LCA5: variants seen among roughly 807,000 people sequenced by gnomAD.
LCA5 encodes the protein lebercilin.
A neutral mutation model predicts 53.0 loss-of-function variants in LCA5; 37 were observed. The observed-to-expected ratio is 0.70, with a 90% CI of 0.54 to 0.92. The LOEUF is 0.92. Among genes scored for constraint, LCA5 ranks in the 40% least tolerant of loss-of-function variants. The pLI is 0.00. For synonymous variants in LCA5, 303 were observed against 282.9 expected (o/e 1.07, Z -0.71); for missense variants, 806 against 790.5 (o/e 1.02, Z -0.23).
chr6:79,526,781 G>A (rs866882559), intron 1 of LCA5, among the ~76,000 whole-genome samples: 3 of 151,992 alleles, frequency 2.0e-5, no homozygotes, highest in South Asian at 2.1e-4. Flanking sequence ...TAAAATGCCC[G>A]GAACCAAATG....
Position 79,494,797 on chromosome 6 carries a change from A to G in LCA5, c.721-1047T>C, listed in dbSNP as rs576006957. Among the ~76,000 whole-genome samples the G allele has an allele frequency of 3.9e-5, 6 of 152,302 alleles. No individual in the cohort carries two copies. In the South Asian group the frequency reaches 1.2e-3, roughly 32 times the overall value. ...ATTAGGGTGCTCCAATTTTTCCTAG[A>G]GTAAACATCCTAATACATATAACTT... On this transcript the variant is annotated intron_variant, in intron 3 of 7. Coordinates refer to ENST00000369846, the MANE Select transcript of LCA5 (RefSeq NM_001122769.3).
intron 3 of LCA5, among the ~76,000 whole-genome samples, chr6:79,499,743 G>C (rs1019614514): frequency 6.7e-6 from 1 of 149,490 alleles, no homozygotes; most frequent in Non-Finnish European, 1.5e-5. Flanking sequence ...TGTGCACAAT[G>C]TGCAGGTTAG....
intron 7 of LCA5, 153 bp downstream of exon 7, chr6:79,488,931 G>A (rs1398930874): frequency 1.3e-6 from 1 of 791,074 alleles, no homozygotes. Context: ...AATGTGTATG[G>A]CTCCTGATAA....
chr6:79,519,876 T>C (rs977740135), intron 1 of LCA5, among the ~76,000 whole-genome samples: 6 of 152,058 alleles, frequency 3.9e-5, no homozygotes, highest in African/African-American at 1.4e-4. Context: ...AATACATAAA[T>C]ATATCATCCT....
intron 7 of LCA5, 97 bp from the exon 8 acceptor site, chr6:79,487,963 G>C: frequency 2.1e-6 from 2 of 939,612 alleles, no homozygotes; most frequent in South Asian, 1.6e-5. Flanking sequence ...TATTTAATTT[G>C]GGTATTATAA....
Position 79,489,857 on chromosome 6 carries a change from A to G in LCA5, c.1099-641T>C, listed in dbSNP as rs118096850. Among the ~76,000 whole-genome samples the G allele has an allele frequency of 8.6e-3, 1,313 of 152,220 alleles. 17 individuals carry two copies. Among genetic ancestry groups the G allele is most frequent in the Middle Eastern group, 0.037 (11 of 294 alleles). On this transcript the variant is annotated intron_variant, in intron 6 of 7. Coordinates refer to ENST00000369846, the MANE Select transcript of LCA5 (RefSeq NM_001122769.3). ...GTTTTAGCAGGACAGAGAGCTGCTTAGCTGGAGACTACATTTGCTACCCTC... is the reference window on the plus strand; with the variant it reads ...GTTTTAGCAGGACAGAGAGCTGCTTGGCTGGAGACTACATTTGCTACCCTC...
intron 7 of LCA5, 39 bp downstream of exon 7, chr6:79,489,045 G>A (rs1769758810): frequency 6.2e-7 from 1 of 1,608,742 alleles, no homozygotes; most frequent in Non-Finnish European, 8.5e-7. Flanking sequence ...CTCAAGGGAT[G>A]CTGACTTGTC....
chr6:79,500,952 T>G (rs1387252398), intron 3 of LCA5, among the ~76,000 whole-genome samples: 1 of 152,148 alleles, frequency 6.6e-6, no homozygotes, highest in African/African-American at 2.4e-5. Flanking sequence ...TGGTACTTGC[T>G]ATTAGATGTG....
chr6:79,506,976 T>C (rs913500887), intron 3 of LCA5, among the ~76,000 whole-genome samples: 8 of 152,212 alleles, frequency 5.3e-5, no homozygotes, highest in Non-Finnish European at 1.2e-4. Flanking sequence ...TATGGTTTCA[T>C]CTTCCTCCAT....
At position 79,489,013 on chromosome 6, in the gene LCA5, A is replaced by G. The variant is rs752945292; in HGVS notation, c.1231+71T>C. 7 of 1,545,466 alleles carry G rather than the reference A, an allele frequency of 4.5e-6. No individual in the cohort carries two copies. In the South Asian group the frequency reaches 7.8e-5, roughly 17 times the overall value. On this transcript the variant is annotated intron_variant, in intron 7 of 7. Transcript: ENST00000369846. ...ATTCACAGTTAAGCTGGAAGATATT[A>G]GAAGACGCTCACTCTTTCTTTCTCA...
intron 2 of LCA5, 138 bp from the exon 3 acceptor site, chr6:79,513,879 G>T: frequency 1.2e-6 from 1 of 803,102 alleles, no homozygotes; most frequent in Non-Finnish European, 2.0e-6. Context: ...ATTTAGTAAA[G>T]TATCAAGTTT....
At chr6:79,489,342 T>C in intron 6 of LCA5, 126 bp from the exon 7 acceptor site, 1 of 950,786 alleles carries the variant, frequency 1.1e-6, no homozygotes. Flanking sequence ...TTTCAATTAA[T>C]GAATCAGTAA....
chr6:79,534,364 A>G (rs770708629), intron 1 of LCA5, among the ~76,000 whole-genome samples: 4 of 152,074 alleles, frequency 2.6e-5, no homozygotes, highest in Non-Finnish European at 5.9e-5. Flanking sequence ...TAAGTACAGT[A>G]CATATTCCCA....
chr6:79,511,122 G>A (rs928046846), intron 3 of LCA5, among the ~76,000 whole-genome samples: 18 of 151,714 alleles, frequency 1.2e-4, no homozygotes, highest in African/African-American at 4.1e-4. Context: ...CATAAAACCA[G>A]CAAGTGCACT....
chr6:79,515,371 C>T (rs1766395742), intron 2 of LCA5, among the ~76,000 whole-genome samples: 1 of 151,996 alleles, frequency 6.6e-6, no homozygotes, highest in African/African-American at 2.4e-5. Flanking sequence ...ATGTTCAAAT[C>T]AAAAACCCTA....
At chr6:79,509,905 C>T (rs1315664229) in intron 3 of LCA5, among the ~76,000 whole-genome samples, 1 of 152,110 alleles carries the variant, frequency 6.6e-6, no homozygotes, top group East Asian at 1.9e-4. Context: ...AGATTCAGCA[C>T]AGTAAAGATG....
intron 1 of LCA5, among the ~76,000 whole-genome samples, chr6:79,523,015 G>GT (rs764231177): frequency 2.0e-5 from 3 of 151,920 alleles, no homozygotes; most frequent in African/African-American, 4.8e-5. Context: ...ATGGGTAAGG[G>GT]TAAAGATTAT....
At chr6:79,536,602 C>T (rs1487184493) in intron 1 of LCA5, among the ~76,000 whole-genome samples, 5 of 152,196 alleles carry the variant, frequency 3.3e-5, no homozygotes, top group Non-Finnish European at 5.9e-5. Flanking sequence ...ATCTTTACTC[C>T]TCTCATCCCA....
Position 79,491,327 on chromosome 6 carries a change from G to A in LCA5, c.1098+261C>T, listed in dbSNP as rs185893243. On this transcript the variant is annotated intron_variant, in intron 6 of 7. Coordinates refer to ENST00000369846, the MANE Select transcript of LCA5 (RefSeq NM_001122769.3). ...AAGTTTTAGGGTACATGTGCACAAC[G>A]TGCAGGTTTGTTACATATGTATACA... 1.4e-3 allele frequency among the ~76,000 whole-genome samples: 215 copies of A among 152,072 alleles called. No individual in the cohort carries two copies. In the Middle Eastern group the frequency reaches 0.027, roughly 19 times the overall value.
Sources: gnomAD v4.1 joint callset for allele counts (sites outside exome capture counted in the v4.1 genomes callset) on GRCh38, gnomAD v4.1.1 for gene constraint, MANE v1.5 for transcripts, NCBI Gene and HGNC (gene_info 2026-07-23, HGNC 2026-07-21) for gene names.